Variants in CTNNA3 observed in about 807,000 individuals in gnomAD.
CTNNA3 encodes the protein catenin alpha 3.
Under a neutral mutation model 95.7 loss-of-function variants are expected in CTNNA3, and 76 were observed. The ratio of observed to expected loss-of-function variants is 0.79; its 90% CI spans 0.66 to 0.96. The LOEUF (loss-of-function observed/expected upper bound fraction) is 0.96, where lower values mean the gene tolerates loss of function less well. Ranked by LOEUF, CTNNA3 falls within the 40% of genes least tolerant of loss-of-function variation. The pLI, the probability that CTNNA3 is intolerant of heterozygous loss-of-function variation, is 0.00. For missense variants in CTNNA3, 1,191 were observed against 1,089.8 expected, an observed-to-expected ratio of 1.09 and a Z score of -1.31; for synonymous variants, 431 against 374.4, an observed-to-expected ratio of 1.15 and a Z score of -1.74.
intron 13 of CTNNA3, among the ~76,000 whole-genome samples, chr10:66,219,444 G>A (rs1196557261): frequency 6.6e-6 from 1 of 152,116 alleles, no homozygotes; most frequent in Non-Finnish European, 1.5e-5. Flanking sequence ...ATAGTATAGT[G>A]TGTCACTGCT....
chr10:67,657,087 T>C (rs185078565), intron 1 of CTNNA3, among the ~76,000 whole-genome samples: 1 of 152,278 alleles, frequency 6.6e-6, no homozygotes, highest in East Asian at 1.9e-4. Context: ...ATTGTAGATA[T>C]AGTTTGACAA....
chr10:66,720,933 T>C (rs1848609149), intron 9 of CTNNA3, among the ~76,000 whole-genome samples: 1 of 152,176 alleles, frequency 6.6e-6, no homozygotes, highest in African/African-American at 2.4e-5. Context: ...GGACCTATGG[T>C]AAATGTTTCC....
Position 66,095,305 on chromosome 10 carries a change from C to A in CTNNA3, c.1977+7852G>T, listed in dbSNP as rs201231413. Among the ~76,000 whole-genome samples, 31 of 152,020 alleles carry A rather than the reference C, an allele frequency of 2.0e-4. No individual in the cohort carries two copies. In the East Asian group the frequency reaches 3.9e-3, roughly 19 times the overall value. ...CATGAAAAATATGAAAAAGATCACC[C>A]AGAAAGATAGGAGAGCAGAGTTACT... On this transcript the variant is annotated intron_variant, in intron 14 of 17. Transcript: ENST00000433211.
At chr10:66,926,299 A>T in intron 7 of CTNNA3, 1 of 471,428 alleles carries the variant, frequency 2.1e-6, no homozygotes, top group South Asian at 2.0e-5. Flanking sequence ...CCCCCAAAAA[A>T]CTGTAAAGAT....
intron 13 of CTNNA3, among the ~76,000 whole-genome samples, chr10:66,146,596 A>G (rs1474579601): frequency 6.6e-6 from 1 of 151,994 alleles, no homozygotes; most frequent in Non-Finnish European, 1.5e-5. Flanking sequence ...CACTCTCGTA[A>G]CTCAGGCTGC....
At chr10:66,384,929 C>T (rs992836564) in intron 11 of CTNNA3, among the ~76,000 whole-genome samples, 5 of 152,138 alleles carry the variant, frequency 3.3e-5, no homozygotes, top group African/African-American at 1.2e-4. Flanking sequence ...ATCTCTGGGA[C>T]ACATTTAAAG....
At chr10:67,599,337 C>T (rs966510369) in intron 3 of CTNNA3, among the ~76,000 whole-genome samples, 11 of 152,132 alleles carry the variant, frequency 7.2e-5, no homozygotes, top group Non-Finnish European at 1.0e-4. Context: ...ATTTTCTATG[C>T]TGTCAAGTAT....
At position 66,280,629 on chromosome 10, in the gene CTNNA3, A is replaced by G; in HGVS notation, c.1733-8T>C. On this transcript the variant is annotated splice_region_variant and splice_polypyrimidine_tract_variant and intron_variant, in intron 12 of 17. Coordinates refer to ENST00000433211, the MANE Select transcript of CTNNA3 (RefSeq NM_013266.4). ...TTACAAATTCAGGAATTACTGTTAAAATAAAGAATAAGGAGAAGATTGTCC... is the reference window on the plus strand; with the variant it reads ...TTACAAATTCAGGAATTACTGTTAAGATAAAGAATAAGGAGAAGATTGTCC... The G allele has an allele frequency of 6.3e-7, 1 of 1,598,174 alleles. No homozygotes were observed.
chr10:67,484,964 T>G (rs759278990), intron 5 of CTNNA3, among the ~76,000 whole-genome samples: 20 of 152,182 alleles, frequency 1.3e-4, no homozygotes, highest in Non-Finnish European at 2.4e-4. Context: ...ATCCCACTAC[T>G]GAGTATATAA....
intron 6 of CTNNA3, among the ~76,000 whole-genome samples, chr10:67,190,694 A>G (rs1365081707): frequency 6.6e-6 from 1 of 152,076 alleles, no homozygotes; most frequent in African/African-American, 2.4e-5. Context: ...TAAATTAATC[A>G]GTTGCAAGAA....
At chr10:66,956,116 A>C (rs1848779042) in intron 7 of CTNNA3, among the ~76,000 whole-genome samples, 1 of 152,060 alleles carries the variant, frequency 6.6e-6, no homozygotes, top group African/African-American at 2.4e-5. Context: ...CCAAGGAAGA[A>C]GAACCTTTTT....
intron 9 of CTNNA3, among the ~76,000 whole-genome samples, chr10:66,694,811 T>C (rs1847696972): frequency 6.6e-6 from 1 of 152,140 alleles, no homozygotes; most frequent in Non-Finnish European, 1.5e-5. Flanking sequence ...GAAGAATACA[T>C]TTTTATTACT....
intron 3 of CTNNA3, among the ~76,000 whole-genome samples, chr10:67,581,305 T>G (rs1332411660): frequency 1.3e-5 from 2 of 152,212 alleles, no homozygotes; most frequent in African/African-American, 4.8e-5. Context: ...TTTCTGCATC[T>G]ATTGAGATAA....
chr10:66,378,252 C>A (rs973437527), intron 12 of CTNNA3, among the ~76,000 whole-genome samples: 5 of 152,088 alleles, frequency 3.3e-5, no homozygotes, highest in Non-Finnish European at 5.9e-5. Context: ...TTTGGCTAAA[C>A]AATGTGCATA....
chr10:67,628,222 G>C (rs774944966), intron 2 of CTNNA3, among the ~76,000 whole-genome samples: 1 of 149,442 alleles, frequency 6.7e-6, no homozygotes, highest in Non-Finnish European at 1.5e-5. Context: ...AATAGTAAAC[G>C]ACTTTGGTTC....
chr10:67,017,752 T>TGTGTGC (rs1491459209), intron 7 of CTNNA3, among the ~76,000 whole-genome samples: 78 of 145,952 alleles, frequency 5.3e-4, no homozygotes, highest in African/African-American at 1.8e-3. Flanking sequence ...TGTGTGTGTG[T>TGTGTGC]GCGCGCGTAC....
intron 2 of CTNNA3, among the ~76,000 whole-genome samples, chr10:67,615,657 CTTTTTTTT>C (rs746378840): frequency 9.8e-6 from 1 of 102,168 alleles, no homozygotes. Flanking sequence ...GGCAGGTATT[CTTTTTTTT>C]TTTTTTTTTT....
intron 14 of CTNNA3, among the ~76,000 whole-genome samples, chr10:66,070,811 A>C (rs1044828788): frequency 2.0e-5 from 3 of 152,090 alleles, no homozygotes; most frequent in African/African-American, 4.8e-5. Flanking sequence ...ATTGCGACTG[A>C]CCCTGTTGTG....
chr10:66,481,208 G>C (rs1205629394), intron 11 of CTNNA3, among the ~76,000 whole-genome samples: 2 of 152,034 alleles, frequency 1.3e-5, no homozygotes, highest in Non-Finnish European at 2.9e-5. Context: ...CAGGGTTACT[G>C]TATTAAAAAT....
Sources: allele counts gnomAD v4.1 joint callset (sites outside exome capture counted in the v4.1 genomes callset), GRCh38; gene constraint gnomAD v4.1.1; transcripts MANE v1.5; gene names NCBI Gene and HGNC (gene_info 2026-07-23, HGNC 2026-07-21).